The following CORIN variants were observed in gnomAD, a reference collection of about 807,000 sequenced individuals.
CORIN encodes the protein corin, serine peptidase, also known as atrial natriuretic peptide-converting enzyme.
A neutral mutation model predicts 125.3 loss-of-function variants in CORIN; 117 were observed. The ratio of observed to expected loss-of-function variants is 0.93; its 90% CI spans 0.80 to 1.09. The LOEUF (loss-of-function observed/expected upper bound fraction) is 1.09. Among genes scored for constraint, CORIN ranks in the 50% least tolerant of loss-of-function variants. The probability of loss-of-function intolerance (pLI) is 0.00; values close to 1 mark genes in which losing one functional copy is unlikely to be tolerated. For missense variants in CORIN, 1,253 were observed against 1,306.7 expected (o/e 0.96, Z 0.63); for synonymous variants, 450 against 466.4 (o/e 0.96, Z 0.45).
intron 4 of CORIN, among the ~76,000 whole-genome samples, chr4:47,757,878 G>GTATGTATATATATATATA (rs1553916061): frequency 1.6e-5 from 2 of 123,926 alleles, no homozygotes; most frequent in African/African-American, 6.6e-5. Context: ...ATATATATAT[G>GTATGTATATATATATATA]TATATATATA....
intron 4 of CORIN, among the ~76,000 whole-genome samples, chr4:47,751,474 T>C (rs1003697789): frequency 3.3e-5 from 5 of 152,210 alleles, no homozygotes; most frequent in Non-Finnish European, 7.3e-5. Context: ...CCATTTTATT[T>C]TCTAGAAAAA....
chr4:47,607,611 TGAAA>T (rs1721703923), intron 19 of CORIN, among the ~76,000 whole-genome samples: 1 of 152,072 alleles, frequency 6.6e-6, no homozygotes, highest in Non-Finnish European at 1.5e-5. Flanking sequence ...ACCTGTTGTT[TGAAA>T]GAGTCTCCTG....
chr4:47,708,471 T>C (rs1266824276), intron 5 of CORIN, among the ~76,000 whole-genome samples: 1 of 152,234 alleles, frequency 6.6e-6, no homozygotes, highest in Non-Finnish European at 1.5e-5. Flanking sequence ...GAAGGTCAGA[T>C]GAGGAGCACC....
intron 2 of CORIN, among the ~76,000 whole-genome samples, chr4:47,801,893 C>CA (rs1731560820): frequency 6.6e-6 from 1 of 152,198 alleles, no homozygotes; most frequent in Non-Finnish European, 1.5e-5. Flanking sequence ...GACTGGGAGA[C>CA]ACATGACCTA....
intron 2 of CORIN, 45 bp from the exon 3 acceptor site, chr4:47,786,970 T>C: frequency 7.8e-7 from 1 of 1,284,704 alleles, no homozygotes; most frequent in Non-Finnish European, 1.1e-6. Context: ...CTTTGAAACA[T>C]TACTAGAAGT....
intron 16 of CORIN, among the ~76,000 whole-genome samples, chr4:47,628,459 T>TGC (rs1220038636): frequency 2.0e-5 from 3 of 151,964 alleles, no homozygotes; most frequent in East Asian, 1.9e-4. Flanking sequence ...TGTGTGTGTG[T>TGC]GTGTGTGTGT....
At chr4:47,748,683 A>G (rs1443592832) in intron 4 of CORIN, among the ~76,000 whole-genome samples, 1 of 152,188 alleles carries the variant, frequency 6.6e-6, no homozygotes, top group Non-Finnish European at 1.5e-5. Context: ...ACAAATTAAT[A>G]TATAGATTTT....
chr4:47,666,993 T>C (rs1024406668), intron 10 of CORIN, among the ~76,000 whole-genome samples: 2 of 152,126 alleles, frequency 1.3e-5, no homozygotes, highest in Non-Finnish European at 2.9e-5. Context: ...CCAAATCTCA[T>C]CTTGAATTGT....
At position 47,763,460 on chromosome 4, in the gene CORIN, TG is replaced by T. The variant is rs1436036711; in HGVS notation, c.535del (p.His179IlefsTer52). ...GATATGTTGATAGCAACTGAGGCGATGGAGATATGTGAAAAACTTGAGGAAC... is the reference window on the plus strand; with the variant it reads ...GATATGTTGATAGCAACTGAGGCGATGAGATATGTGAAAAACTTGAGGAAC... Reference protein sequence around the residue: ...EKFLKFFTYLHRLSCYQHIML... With the variant: ...EKFLKFFTYLXRLSCYQHIML... On this transcript the variant is annotated frameshift_variant, in exon 4 of 22. Coordinates refer to ENST00000273857, the MANE Select transcript of CORIN (RefSeq NM_006587.4). LOFTEE classifies it high-confidence loss of function. The T allele has an allele frequency of 6.2e-7, 1 of 1,614,034 alleles. No individual in the cohort carries two copies. Among genetic ancestry groups the T allele is most frequent in the African/African-American group, 1.3e-5 (1 of 74,930 alleles).
intron 5 of CORIN, among the ~76,000 whole-genome samples, chr4:47,697,141 G>A (rs1726053322): frequency 6.6e-6 from 1 of 152,292 alleles, no homozygotes; most frequent in East Asian, 1.9e-4. Flanking sequence ...TATGTCATTA[G>A]ATGAAAAAGA....
intron 6 of CORIN, among the ~76,000 whole-genome samples, chr4:47,689,108 C>A (rs1392461360): frequency 1.3e-5 from 2 of 152,126 alleles, no homozygotes; most frequent in Admixed American, 1.3e-4. Context: ...TCAGCTGTCC[C>A]CACGACTTCC....
At chr4:47,619,206 T>A (rs571907480) in intron 19 of CORIN, among the ~76,000 whole-genome samples, 15 of 152,308 alleles carry the variant, frequency 9.8e-5, no homozygotes, top group Admixed American at 2.0e-4. Flanking sequence ...CTTGATCTGG[T>A]CAACCATCTC....
At chr4:47,598,777 G>A (rs1721343698) in intron 21 of CORIN, among the ~76,000 whole-genome samples, 1 of 152,184 alleles carries the variant, frequency 6.6e-6, no homozygotes, top group African/African-American at 2.4e-5. Flanking sequence ...CATATGGGTT[G>A]ATTGTGATAA....
At chr4:47,772,013 G>A (rs1323152270) in intron 3 of CORIN, among the ~76,000 whole-genome samples, 3 of 151,948 alleles carry the variant, frequency 2.0e-5, no homozygotes, top group African/African-American at 4.8e-5. Flanking sequence ...TAGACTAAAC[G>A]CTTTTTAATG....
At chr4:47,641,780 T>C in intron 16 of CORIN, 140 bp downstream of exon 16, 1 of 973,032 alleles carries the variant, frequency 1.0e-6, no homozygotes, top group South Asian at 1.8e-5. Flanking sequence ...TATGGTCCTC[T>C]CACCTGATTC....
chr4:47,700,134 T>G (rs1726219821), intron 5 of CORIN, among the ~76,000 whole-genome samples: 1 of 152,206 alleles, frequency 6.6e-6, no homozygotes, highest in African/African-American at 2.4e-5. Flanking sequence ...GTTTGAAAAC[T>G]CCTTCACCCT....
rs1024172081 is a variant in CORIN at position 47,634,503 on chromosome 4, G to A, written c.2198+7417C>T. 7.2e-5 allele frequency among the ~76,000 whole-genome samples: 11 copies of A among 152,174 alleles called. No individual in the cohort carries two copies. In the South Asian group the frequency reaches 1.0e-3, roughly 14 times the overall value. On this transcript the variant is annotated intron_variant, in intron 16 of 21. Transcript: ENST00000273857. Reference sequence around the variant, plus strand: ...ACAAAAATTAGCCAGGCATGGTGGTGAGTGCCTGTAATCCCAGCTACTCAG... The same window carrying A: ...ACAAAAATTAGCCAGGCATGGTGGTAAGTGCCTGTAATCCCAGCTACTCAG...
intron 14 of CORIN, 44 bp from the exon 15 acceptor site, chr4:47,643,300 T>C (rs1387617677): frequency 6.6e-7 from 1 of 1,517,132 alleles, no homozygotes. Context: ...ATTTTAGAAA[T>C]AAATGTGATT....
intron 13 of CORIN, among the ~76,000 whole-genome samples, chr4:47,647,492 G>A (rs907984372): frequency 3.3e-5 from 5 of 152,116 alleles, no homozygotes; most frequent in African/African-American, 4.8e-5. Flanking sequence ...ACAGAAGGCC[G>A]CCTAAAGTGC....
Sources: allele counts gnomAD v4.1 joint callset (sites outside exome capture counted in the v4.1 genomes callset), GRCh38; gene constraint gnomAD v4.1.1; transcripts MANE v1.5; gene names NCBI Gene and HGNC (gene_info 2026-07-23, HGNC 2026-07-21).